ZNF407: variants seen among roughly 807,000 people sequenced by gnomAD.
The protein encoded by ZNF407 is zinc finger protein 407.
In ZNF407, 17 loss-of-function variants were observed where a neutral mutation model predicts 131.2. The observed-to-expected ratio is 0.13, with a 90% CI of 0.09 to 0.19. The LOEUF is 0.19. ZNF407 is among the 10% of genes least tolerant of loss of function. The pLI is 1.00. For synonymous variants in ZNF407, 1,156 were observed against 1,062.0 expected, an observed-to-expected ratio of 1.09 and a Z score of -1.72; for missense variants, 2,681 against 2,830.6, an observed-to-expected ratio of 0.95 and a Z score of 1.20.
intron 8 of ZNF407, among the ~76,000 whole-genome samples, chr18:75,051,873 A>T (rs1568312382): frequency 6.6e-6 from 1 of 152,170 alleles, no homozygotes; most frequent in Non-Finnish European, 1.5e-5. Flanking sequence ...TGTCATCAGA[A>T]CTCAGGCACT....
chr18:74,628,301 A>G (rs910383569), intron 1 of ZNF407, among the ~76,000 whole-genome samples: 14 of 152,170 alleles, frequency 9.2e-5, no homozygotes, highest in Admixed American at 3.3e-4. Flanking sequence ...GGATTTTAGT[A>G]TTATATTCAT....
intron 3 of ZNF407, among the ~76,000 whole-genome samples, chr18:74,759,807 T>C (rs991787198): frequency 3.4e-5 from 5 of 148,626 alleles, no homozygotes; most frequent in African/African-American, 4.9e-5. Context: ...ATATTTTCCT[T>C]TTTTTTTTTT....
chr18:74,996,216 G>A (rs571956848), intron 8 of ZNF407, among the ~76,000 whole-genome samples: 15 of 152,134 alleles, frequency 9.9e-5, no homozygotes, highest in Middle Eastern at 3.4e-3. Flanking sequence ...TGAGGCAGGC[G>A]CCAACAAGCA....
chr18:74,769,425 A>C (rs532306023), intron 3 of ZNF407, among the ~76,000 whole-genome samples: 11 of 151,204 alleles, frequency 7.3e-5, no homozygotes, highest in Admixed American at 3.9e-4. Flanking sequence ...AAAGTTTCCA[A>C]TGAGTATCTC....
chr18:74,633,090 G>C lies in ZNF407; in HGVS notation c.2071G>C (p.Val691Leu), dbSNP rs1401957398. Residue 691 changes from valine (V) to leucine (L), a missense_variant, in exon 2 of 9, where the codon GTA becomes CTA. By Grantham distance (32) the Val-to-Leu change is conservative (BLOSUM62 1). Transcript: ENST00000299687. Reference protein sequence around the residue: ...ASQEEPLKSRVSHGNEVRHSS... With the variant: ...ASQEEPLKSRLSHGNEVRHSS... ...TCAGGAAGAACCTCTGAAGTCCAGG[G>C]TAAGCCATGGTAATGAAGTGAGGCA... 1 of 1,613,828 alleles carries C rather than the reference G, an allele frequency of 6.2e-7. No homozygotes were observed. The highest frequency in any genetic ancestry group is 1.1e-5 in the South Asian group (1 of 91,058).
At chr18:74,930,880 T>G (rs1971975525) in intron 8 of ZNF407, among the ~76,000 whole-genome samples, 1 of 152,224 alleles carries the variant, frequency 6.6e-6, no homozygotes, top group Non-Finnish European at 1.5e-5. Flanking sequence ...GGAGACCTGG[T>G]TCCTTTGGCT....
chr18:74,978,380 A>G (rs897231406), intron 8 of ZNF407, among the ~76,000 whole-genome samples: 2 of 152,150 alleles, frequency 1.3e-5, no homozygotes, highest in Admixed American at 6.5e-5. Context: ...ATAGAGGGGT[A>G]ACGTAATTAG....
At chr18:74,892,985 G>A (rs1422168618) in intron 7 of ZNF407, among the ~76,000 whole-genome samples, 1 of 152,078 alleles carries the variant, frequency 6.6e-6, no homozygotes, top group Non-Finnish European at 1.5e-5. Flanking sequence ...CTGTGCTTTG[G>A]TAGATTCATT....
At chr18:74,866,888 T>C (rs1405754088) in intron 4 of ZNF407, among the ~76,000 whole-genome samples, 1 of 148,046 alleles carries the variant, frequency 6.8e-6, no homozygotes, top group African/African-American at 2.5e-5. Context: ...TTGTGGCATG[T>C]ACCTGTAGTC....
intron 1 of ZNF407, among the ~76,000 whole-genome samples, chr18:74,626,796 C>T (rs918551824): frequency 3.9e-5 from 6 of 152,168 alleles, no homozygotes; most frequent in African/African-American, 1.4e-4. Flanking sequence ...TTGCATGGCT[C>T]CATTTTACTA....
intron 4 of ZNF407, among the ~76,000 whole-genome samples, chr18:74,806,072 CT>C (rs1318658705): frequency 2.0e-5 from 3 of 152,152 alleles, no homozygotes; most frequent in Non-Finnish European, 2.9e-5. Flanking sequence ...GGGAAAATAT[CT>C]TAAAATAATA....
intron 7 of ZNF407, among the ~76,000 whole-genome samples, chr18:74,903,914 G>A (rs746804414): frequency 6.6e-6 from 1 of 152,140 alleles, no homozygotes; most frequent in Non-Finnish European, 1.5e-5. Flanking sequence ...ATATGTTTGG[G>A]AGATACTCTC....
intron 7 of ZNF407, among the ~76,000 whole-genome samples, chr18:74,914,223 A>G (rs115839733): frequency 0.014 from 2,064 of 152,180 alleles, 41 homozygotes; most frequent in African/African-American, 0.046. Context: ...AACGTCTTTC[A>G]CCTGTGAGGG....
At chr18:74,889,846 C>T (rs1691845836) in intron 6 of ZNF407, 72 bp from the exon 7 acceptor site, 2 of 1,382,808 alleles carry the variant, frequency 1.4e-6, no homozygotes, top group Non-Finnish European at 9.9e-7. Flanking sequence ...TTTAAATTGT[C>T]AATACCAGGT....
chr18:74,748,932 G>A (rs1968733768), intron 3 of ZNF407, among the ~76,000 whole-genome samples: 1 of 152,114 alleles, frequency 6.6e-6, no homozygotes, highest in Admixed American at 6.6e-5. Flanking sequence ...TTTGTGTTGT[G>A]GAGTTCTAGA....
intron 3 of ZNF407, among the ~76,000 whole-genome samples, chr18:74,767,381 A>G (rs1031332143): frequency 6.6e-6 from 1 of 152,104 alleles, no homozygotes; most frequent in Non-Finnish European, 1.5e-5. Context: ...TTCCGGAAGC[A>G]CTGCATGTTT....
chr18:74,604,712 CAAT>C (rs1432784069), intron 1 of ZNF407, among the ~76,000 whole-genome samples: 1 of 152,182 alleles, frequency 6.6e-6, no homozygotes, highest in Non-Finnish European at 1.5e-5. Context: ...ATGGAAGTAA[CAAT>C]AATAATGTTT....
At chr18:75,035,551 A>G (rs900384267) in intron 8 of ZNF407, among the ~76,000 whole-genome samples, 3 of 152,228 alleles carry the variant, frequency 2.0e-5, no homozygotes, top group Non-Finnish European at 2.9e-5. Flanking sequence ...TACTAATCAC[A>G]TCCAATAAAC....
intron 8 of ZNF407, among the ~76,000 whole-genome samples, chr18:74,952,925 G>C (rs889260309): frequency 9.2e-5 from 14 of 152,218 alleles, no homozygotes; most frequent in African/African-American, 3.1e-4. Flanking sequence ...GGACTTGGCA[G>C]AGCCGTTGGT....
Sources: allele counts gnomAD v4.1 joint callset (sites outside exome capture counted in the v4.1 genomes callset), GRCh38; gene constraint gnomAD v4.1.1; transcripts MANE v1.5; gene names NCBI Gene and HGNC (gene_info 2026-07-23, HGNC 2026-07-21).